Variants in R3HDM1 observed in about 807,000 individuals in gnomAD.
The protein encoded by R3HDM1 is R3H domain containing 1.
R3HDM1 carries 46 observed loss-of-function variants against 141.1 expected under a neutral mutation model. The observed-to-expected ratio is 0.33, with a 90% CI of 0.26 to 0.42. The LOEUF (loss-of-function observed/expected upper bound fraction) is 0.42. R3HDM1 is among the 10% of genes least tolerant of loss of function. The pLI is 1.00. For synonymous variants in R3HDM1, 435 were observed against 472.9 expected, an observed-to-expected ratio of 0.92 and a Z score of 1.04; for missense variants, 1,184 against 1,368.3, an observed-to-expected ratio of 0.87 and a Z score of 2.12.
Position 135,639,047 on chromosome 2 carries a change from T to G in R3HDM1, c.1144T>G (p.Phe382Val). The change falls in exon 14 of 27, where the codon TTC (phenylalanine) becomes GTC (valine). Residue 382 changes from phenylalanine (F) to valine (V), a missense_variant. By Grantham distance (50) the Phe-to-Val change is conservative (BLOSUM62 -1). Transcript: ENST00000683871. ...ACCTGCTGTAACCAAAGCCAGCAGC[T>G]TCAGTGGAATCTCAGTCCTGACAAG... ...LKPAVTKASS[F>V]SGISVLTRGD... is the part of the protein sequence containing the mutation. 1 of 1,614,158 alleles carries G rather than the reference T, an allele frequency of 6.2e-7. No individual in the cohort carries two copies. Among genetic ancestry groups the G allele is most frequent in the Non-Finnish European group, 8.5e-7 (1 of 1,180,028 alleles).
At chr2:135,653,277 AC>A (rs1347588137) in intron 18 of R3HDM1, among the ~76,000 whole-genome samples, 2 of 152,088 alleles carry the variant, frequency 1.3e-5, no homozygotes, top group Non-Finnish European at 2.9e-5. Context: ...AATCACTTGA[AC>A]CTGGCACATG....
chr2:135,565,242 C>T (rs1702497285), intron 1 of R3HDM1, among the ~76,000 whole-genome samples: 1 of 151,794 alleles, frequency 6.6e-6, no homozygotes, highest in Admixed American at 6.6e-5. Context: ...CCATTTTTCA[C>T]AACAGTTTAT....
rs2062751521 is a variant in R3HDM1 at position 135,631,897 on chromosome 2, C to T, written c.594C>T (p.Tyr198=). The T allele has an allele frequency of 6.2e-7, 1 of 1,611,790 alleles. No individual in the cohort carries two copies. The highest frequency in any genetic ancestry group is 1.3e-5 in the African/African-American group (1 of 74,830). ...PRKKFPPMTS[Y]HRMLLHRVAA... Reference sequence around the variant, plus strand: ...AAAAATTCCCCCCAATGACATCTTACCATAGGATGCTATTACACAGAGTAG... The same window carrying T: ...AAAAATTCCCCCCAATGACATCTTATCATAGGATGCTATTACACAGAGTAG... Residue 198 remains tyrosine, a synonymous_variant, in exon 9 of 27, where the codon TAC becomes TAT. Coordinates refer to ENST00000683871, the MANE Select transcript of R3HDM1 (RefSeq NM_001378107.1).
At chr2:135,594,446 A>AT (rs1710093225) in intron 1 of R3HDM1, among the ~76,000 whole-genome samples, 1 of 152,170 alleles carries the variant, frequency 6.6e-6, no homozygotes, top group Admixed American at 6.5e-5. Flanking sequence ...CAGTCAAAGA[A>AT]TTAGAGATAC....
chr2:135,548,138 T>C (rs1699124799), intron 1 of R3HDM1, among the ~76,000 whole-genome samples: 1 of 152,238 alleles, frequency 6.6e-6, no homozygotes, highest in Non-Finnish European at 1.5e-5. Context: ...CATATTCCTT[T>C]TGTACTTAGA....
intron 1 of R3HDM1, among the ~76,000 whole-genome samples, chr2:135,574,731 A>G (rs1367423165): frequency 6.6e-6 from 1 of 152,180 alleles, no homozygotes; most frequent in African/African-American, 2.4e-5. Flanking sequence ...GTGTCTCCAT[A>G]GGTGCTGAAG....
At chr2:135,558,045 T>A (rs1237761738) in intron 1 of R3HDM1, among the ~76,000 whole-genome samples, 2 of 152,218 alleles carry the variant, frequency 1.3e-5, no homozygotes, top group African/African-American at 4.8e-5. Flanking sequence ...ATAATGGGGC[T>A]AAAAGTAATA....
intron 1 of R3HDM1, 117 bp from the exon 2 acceptor site, chr2:135,602,383 A>G: frequency 1.4e-6 from 1 of 721,548 alleles, no homozygotes; most frequent in South Asian, 6.3e-5. Context: ...ACTTTCGTTT[A>G]GGAAAATAAT....
chr2:135,543,057 G>A (rs1326720106), intron 1 of R3HDM1: 4 of 980,460 alleles, frequency 4.1e-6, no homozygotes, highest in Middle Eastern at 5.2e-4. Context: ...TAAAGCAATG[G>A]GAATGGAATG....
chr2:135,585,028 G>A (rs1707555614), intron 1 of R3HDM1, among the ~76,000 whole-genome samples: 1 of 152,096 alleles, frequency 6.6e-6, no homozygotes, highest in Admixed American at 6.5e-5. Flanking sequence ...TTGTTTCTTG[G>A]GTACCTAGGC....
chr2:135,687,252 G>A (rs924971640), intron 21 of R3HDM1, among the ~76,000 whole-genome samples: 1 of 152,160 alleles, frequency 6.6e-6, no homozygotes, highest in African/African-American at 2.4e-5. Flanking sequence ...AATGGTCATT[G>A]CCAGGGGCTG....
intron 15 of R3HDM1, among the ~76,000 whole-genome samples, chr2:135,642,613 T>G (rs542106086): frequency 3.9e-5 from 6 of 152,342 alleles, no homozygotes; most frequent in African/African-American, 1.2e-4. Context: ...GGCAAGGTAA[T>G]GAAAACTCTC....
At chr2:135,703,562 A>G (rs948280941) in intron 21 of R3HDM1, among the ~76,000 whole-genome samples, 6 of 152,170 alleles carry the variant, frequency 3.9e-5, no homozygotes, top group Non-Finnish European at 7.3e-5. Context: ...TATGAAAGCA[A>G]CAATCTTAGG....
At chr2:135,622,494 C>CGT (rs1428037605) in intron 6 of R3HDM1, 160 bp from the exon 7 acceptor site, 1 of 984,192 alleles carries the variant, frequency 1.0e-6, no homozygotes, top group Non-Finnish European at 1.2e-6. Flanking sequence ...ATAGAAACAT[C>CGT]GTGGTCACCT....
intron 15 of R3HDM1, 37 bp downstream of exon 15, chr2:135,641,827 G>A: frequency 6.5e-7 from 1 of 1,537,830 alleles, no homozygotes; most frequent in Non-Finnish European, 8.8e-7. Flanking sequence ...GGAATTATCT[G>A]AAAATTTAAG....
At chr2:135,597,846 T>C (rs2059320483) in intron 1 of R3HDM1, among the ~76,000 whole-genome samples, 1 of 152,320 alleles carries the variant, frequency 6.6e-6, no homozygotes, top group South Asian at 2.1e-4. Context: ...TTAAATATTT[T>C]GTTAACCTAG....
At chr2:135,644,742 C>T (rs973050573) in intron 15 of R3HDM1, among the ~76,000 whole-genome samples, 1 of 152,036 alleles carries the variant, frequency 6.6e-6, no homozygotes, top group Non-Finnish European at 1.5e-5. Flanking sequence ...CTTATAGGAC[C>T]CCAATCCTGT....
intron 1 of R3HDM1, among the ~76,000 whole-genome samples, chr2:135,571,310 AT>A (rs200573723): frequency 1.3e-5 from 2 of 151,594 alleles, no homozygotes; most frequent in Non-Finnish European, 2.9e-5. Flanking sequence ...TTATTTTATT[AT>A]TTTTTTTTAA....
At chr2:135,644,110 C>G (rs185821905) in intron 15 of R3HDM1, among the ~76,000 whole-genome samples, 35 of 152,300 alleles carry the variant, frequency 2.3e-4, no homozygotes, top group African/African-American at 8.2e-4. Context: ...ATCACACACA[C>G]ACAGAGATTA....
Sources: allele counts gnomAD v4.1 joint callset (sites outside exome capture counted in the v4.1 genomes callset), GRCh38; gene constraint gnomAD v4.1.1; transcripts MANE v1.5; gene names NCBI Gene and HGNC (gene_info 2026-07-23, HGNC 2026-07-21).